The following FRAS1 variants were observed in gnomAD, a reference collection of about 807,000 sequenced individuals.
FRAS1 encodes the protein Fraser extracellular matrix complex subunit 1, also known as extracellular matrix organizing protein FRAS1.
A neutral mutation model predicts 435.2 loss-of-function variants in FRAS1; 290 were observed. That is an observed-to-expected ratio of 0.67 (90% CI 0.61 to 0.73). The LOEUF is 0.73. Ranked by LOEUF, FRAS1 falls within the 30% of genes least tolerant of loss-of-function variation. The pLI is 0.00. For synonymous variants in FRAS1, 1,800 were observed against 1,851.0 expected, an observed-to-expected ratio of 0.97 and a Z score of 0.71; for missense variants, 4,860 against 5,001.5, an observed-to-expected ratio of 0.97 and a Z score of 0.85.
At chr4:78,189,380 A>G (rs1330533563) in intron 2 of FRAS1, among the ~76,000 whole-genome samples, 2 of 152,192 alleles carry the variant, frequency 1.3e-5, no homozygotes, top group African/African-American at 2.4e-5. Context: ...TGATATTCCT[A>G]TAATGAGCTT....
chr4:78,337,695 A>G lies in FRAS1; in HGVS notation c.2300A>G (p.Gln767Arg), dbSNP rs1359234785. 1 of 1,613,184 alleles carries G rather than the reference A, an allele frequency of 6.2e-7. No homozygotes were observed. The highest frequency in any genetic ancestry group is 8.5e-7 in the Non-Finnish European group (1 of 1,179,320). The change falls in exon 20 of 74, where the codon CAG (glutamine) becomes CGG (arginine). Residue 767 changes from glutamine (Q) to arginine (R), a missense_variant. Transcript: ENST00000512123. ...SCTECHPTCR[Q>R]CHGPLESDCI... The stretch of plus-strand genomic sequence containing the variant: ...CCAGAGTGTCACCCAACCTGCAGGC[A>G]GTGTCATGGGCCGTTGGAGTCTGAC...
At chr4:78,207,769 G>A (rs1320967759) in intron 2 of FRAS1, among the ~76,000 whole-genome samples, 1 of 152,196 alleles carries the variant, frequency 6.6e-6, no homozygotes, top group African/African-American at 2.4e-5. Flanking sequence ...TCTTTCCTCT[G>A]CGTTCAAGGT....
chr4:78,421,847 A>G lies in FRAS1; in HGVS notation c.4541-16A>G, dbSNP rs1560717998. ...AGAATTACTGTTGATGCTGAGGCCA[A>G]ATCTCTTCCTCCCAGGTATCATCGA... On this transcript the variant is annotated splice_polypyrimidine_tract_variant and intron_variant, in intron 33 of 73. Transcript: ENST00000512123. 3 of 1,613,600 alleles carry G rather than the reference A, an allele frequency of 1.9e-6. No homozygotes were observed. The highest frequency in any genetic ancestry group is 2.7e-5 in the African/African-American group (2 of 75,024).
chr4:78,439,927 C>G (rs1330844060), intron 40 of FRAS1, among the ~76,000 whole-genome samples: 2 of 152,118 alleles, frequency 1.3e-5, no homozygotes, highest in African/African-American at 4.8e-5. Flanking sequence ...TCACTTTCCT[C>G]CCTGCTCTAT....
At chr4:78,263,813 C>A (rs1297711636) in intron 6 of FRAS1, among the ~76,000 whole-genome samples, 1 of 152,072 alleles carries the variant, frequency 6.6e-6, no homozygotes, top group Non-Finnish European at 1.5e-5. Context: ...CAATTTAATT[C>A]TAGTGGTTCA....
At position 78,526,556 on chromosome 4, in the gene FRAS1, A is replaced by G. The variant is rs1721540717; in HGVS notation, c.10824A>G (p.Gly3608=). 6.3e-7 allele frequency: 1 copy of G among 1,595,226 alleles called. No homozygotes were observed. The highest frequency in any genetic ancestry group is 1.7e-5 in the Admixed American group (1 of 57,914). The change falls in exon 70 of 74, where the codon GGA becomes GGG. Residue 3608 remains glycine (G), a synonymous_variant. Coordinates refer to ENST00000512123, the MANE Select transcript of FRAS1 (RefSeq NM_025074.7). Reference sequence around the variant, plus strand: ...ATGTTTCCAGGAAGGACTACTCAGGAGAGTACACCATCTACCTGATCCCTT... The same window carrying G: ...ATGTTTCCAGGAAGGACTACTCAGGGGAGTACACCATCTACCTGATCCCTT... ...TSSYNRKDYS[G]EYTIYLIPCT...
At chr4:78,463,616 G>A (rs1719436505) in intron 47 of FRAS1, among the ~76,000 whole-genome samples, 1 of 152,204 alleles carries the variant, frequency 6.6e-6, no homozygotes, top group Non-Finnish European at 1.5e-5. Context: ...AAACCATTAT[G>A]CAATATTTAA....
chr4:78,393,619 C>CTGAATAATAT (rs1732538134), intron 29 of FRAS1, among the ~76,000 whole-genome samples: 1 of 152,038 alleles, frequency 6.6e-6, no homozygotes, highest in African/African-American at 2.4e-5. Context: ...ATTTCCTTCA[C>CTGAATAATAT]TTTTAAGGCT....
At chr4:78,227,496 G>T (rs1724325995) in intron 2 of FRAS1, among the ~76,000 whole-genome samples, 1 of 152,228 alleles carries the variant, frequency 6.6e-6, no homozygotes, top group Admixed American at 6.5e-5. Flanking sequence ...CAGGGCCTCT[G>T]CCAGGTTTAG....
Position 78,058,041 on chromosome 4 carries a change from C to T in FRAS1, c.32C>T (p.Ala11Val). 1 of 1,613,908 alleles carries T rather than the reference C, an allele frequency of 6.2e-7. No homozygotes were observed. The highest frequency in any genetic ancestry group is 8.5e-7 in the Non-Finnish European group (1 of 1,179,854). Residue 11 changes from alanine (A) to valine (V), a missense_variant, in exon 1 of 74, where the codon GCC (alanine) becomes GTC (valine). Transcript: ENST00000512123. ...GTCCTCAAAGTGTGGCTCGGGCTGG[C>T]CCTAGCGTTGGCGGAATTTGCAGTA... Reference protein sequence around the residue: MGVLKVWLGLALALAEFAVLP... With the variant: MGVLKVWLGLVLALAEFAVLP...
chr4:78,518,029 A>C (rs562986550), intron 66 of FRAS1, among the ~76,000 whole-genome samples: 3 of 152,070 alleles, frequency 2.0e-5, no homozygotes, highest in Non-Finnish European at 2.9e-5. Context: ...AGGCTGGAGG[A>C]TCACTGGAGG....
intron 20 of FRAS1, among the ~76,000 whole-genome samples, chr4:78,342,111 G>A (rs896548473): frequency 2.6e-5 from 4 of 152,154 alleles, no homozygotes; most frequent in Admixed American, 6.5e-5. Context: ...TATCCTCTCC[G>A]TGTCCTTGGG....
intron 9 of FRAS1, among the ~76,000 whole-genome samples, chr4:78,272,580 G>A (rs1274754886): frequency 4.6e-5 from 7 of 152,066 alleles, no homozygotes; most frequent in East Asian, 1.9e-4. Context: ...TCATTTCCCC[G>A]TTTCTTGTTT....
At chr4:78,161,768 A>AAAAAGAAAAG (rs1332936013) in intron 2 of FRAS1, among the ~76,000 whole-genome samples, 2 of 140,744 alleles carry the variant, frequency 1.4e-5, no homozygotes, top group African/African-American at 5.6e-5. Context: ...AAAAAAAAAA[A>AAAAAGAAAAG]AAAAGAAAAG....
chr4:78,290,031 G>A (rs73827938), intron 14 of FRAS1, among the ~76,000 whole-genome samples: 2,081 of 152,218 alleles, frequency 0.014, 52 homozygotes, highest in African/African-American at 0.047. Flanking sequence ...TTGCCCCTCT[G>A]TTCAATCAGC....
chr4:78,155,289 A>G (rs146696790), intron 2 of FRAS1, among the ~76,000 whole-genome samples: 1 of 152,332 alleles, frequency 6.6e-6, no homozygotes, highest in African/African-American at 2.4e-5. Flanking sequence ...CTGGGTTAAT[A>G]TGATCTAAAC....
chr4:78,388,280 G>A (rs7657471), intron 29 of FRAS1, among the ~76,000 whole-genome samples: 3,474 of 149,720 alleles, frequency 0.023, 153 homozygotes, highest in African/African-American at 0.08. Context: ...AGCCGAGATC[G>A]CGCCACTGCA....
chr4:78,201,606 T>C (rs1394925007), intron 2 of FRAS1, among the ~76,000 whole-genome samples: 2 of 152,124 alleles, frequency 1.3e-5, no homozygotes, highest in African/African-American at 4.8e-5. Flanking sequence ...CCCCTCTACA[T>C]AGGATGTGCA....
At chr4:78,319,741 A>T (rs1004840933) in intron 18 of FRAS1, 1 of 200,194 alleles carries the variant, frequency 5.0e-6, no homozygotes, top group African/African-American at 2.3e-5. Flanking sequence ...TTGTAACATA[A>T]CAGTAAGCAT....
Sources: allele counts gnomAD v4.1 joint callset (sites outside exome capture counted in the v4.1 genomes callset), GRCh38; gene constraint gnomAD v4.1.1; transcripts MANE v1.5; gene names NCBI Gene and HGNC (gene_info 2026-07-23, HGNC 2026-07-21).